Variants in GSK3B observed in about 807,000 individuals in gnomAD.
The protein encoded by GSK3B is glycogen synthase kinase 3 beta.
GSK3B carries 15 observed loss-of-function variants against 56.4 expected under a neutral mutation model. That is an observed-to-expected ratio of 0.27 (90% CI 0.18 to 0.41). The LOEUF is 0.41. GSK3B is among the 10% of genes least tolerant of loss of function. The pLI is 1.00. For synonymous variants in GSK3B, 181 were observed against 188.9 expected, an observed-to-expected ratio of 0.96 and a Z score of 0.34; for missense variants, 300 against 513.4, an observed-to-expected ratio of 0.58 and a Z score of 4.02.
chr3:120,075,697 T>A (rs924104037), intron 1 of GSK3B, among the ~76,000 whole-genome samples: 1 of 151,986 alleles, frequency 6.6e-6, no homozygotes, highest in African/African-American at 2.4e-5. Flanking sequence ...ACCTGTACAC[T>A]GAAAACTAAA....
At chr3:119,890,638 G>A (rs2056490962) in intron 7 of GSK3B, among the ~76,000 whole-genome samples, 1 of 151,664 alleles carries the variant, frequency 6.6e-6, no homozygotes, top group African/African-American at 2.4e-5. Flanking sequence ...TCTTGACCAG[G>A]GTAGTGGTTA....
intron 3 of GSK3B, among the ~76,000 whole-genome samples, chr3:119,946,876 C>T (rs1399698130): frequency 6.6e-6 from 1 of 152,122 alleles, no homozygotes; most frequent in Non-Finnish European, 1.5e-5. Context: ...AGTCCTCTTG[C>T]TACCTCTTTA....
At chr3:120,091,361 T>C (rs1167066648) in intron 1 of GSK3B, among the ~76,000 whole-genome samples, 2 of 152,184 alleles carry the variant, frequency 1.3e-5, no homozygotes, top group African/African-American at 2.4e-5. Flanking sequence ...ACTCCAACTT[T>C]TAAAATTCTA....
chr3:119,873,255 T>A (rs1336855358), intron 8 of GSK3B, among the ~76,000 whole-genome samples: 10 of 152,150 alleles, frequency 6.6e-5, no homozygotes, highest in Admixed American at 3.3e-4. Flanking sequence ...TTCTGCTATT[T>A]CTTTTACACA....
chr3:120,037,317 A>G (rs530650717), intron 1 of GSK3B, among the ~76,000 whole-genome samples: 1 of 152,370 alleles, frequency 6.6e-6, no homozygotes, highest in African/African-American at 2.4e-5. Context: ...AAGATAAAAT[A>G]AAGCAATAAT....
chr3:120,060,995 C>T (rs1188159513), intron 1 of GSK3B, among the ~76,000 whole-genome samples: 2 of 152,172 alleles, frequency 1.3e-5, no homozygotes, highest in East Asian at 1.9e-4. Flanking sequence ...TGTCAGGCTT[C>T]AAACTTTAGA....
At position 119,874,533 on chromosome 3, in the gene GSK3B, T is replaced by TA. The variant is rs2056286924; in HGVS notation, c.909+1879dup. On this transcript the variant is annotated intron_variant, in intron 8 of 10. Coordinates refer to ENST00000264235, the MANE Select transcript of GSK3B (RefSeq NM_001146156.2). ...AAAGGAGGACTAGTGGCAGTCTTGATAAAATAATAATAATAATAATGGAGG... is the reference window on the plus strand; with the variant it reads ...AAAGGAGGACTAGTGGCAGTCTTGATAAAAATAATAATAATAATAATGGAGG... Among the ~76,000 whole-genome samples the TA allele has an allele frequency of 2.6e-5, 4 of 151,906 alleles. No individual in the cohort carries two copies. The South Asian group carries it at 8.3e-4, about 32-fold the overall frequency.
At chr3:119,993,364 G>A (rs1228594108) in intron 2 of GSK3B, among the ~76,000 whole-genome samples, 1 of 151,870 alleles carries the variant, frequency 6.6e-6, no homozygotes, top group Non-Finnish European at 1.5e-5. Flanking sequence ...AAAAGAAAGG[G>A]GGTGAAGTTC....
intron 3 of GSK3B, among the ~76,000 whole-genome samples, chr3:119,927,251 A>T (rs1305529348): frequency 1.3e-5 from 2 of 152,214 alleles, no homozygotes; most frequent in Non-Finnish European, 2.9e-5. Flanking sequence ...AAGCTTGAAG[A>T]AAAAAATTAG....
At chr3:119,832,039 T>G (rs1424508435) in intron 10 of GSK3B, among the ~76,000 whole-genome samples, 1 of 152,228 alleles carries the variant, frequency 6.6e-6, no homozygotes, top group East Asian at 1.9e-4. Context: ...ATTCCCACAC[T>G]GAATAGGACT....
Position 120,094,425 on chromosome 3 carries a change from C to T in GSK3B, c.-991G>A, listed in dbSNP as rs2058547186. 1 of 315,486 alleles carries T rather than the reference C, an allele frequency of 3.2e-6. No homozygotes were observed. The highest frequency in any genetic ancestry group is 5.9e-6 in the Non-Finnish European group (1 of 170,330). The allele number at this position is 315,486 out of a possible 1,614,324, so 19.5% of individuals were successfully genotyped here. A position where few individuals can be genotyped will look rare whatever the true frequency, so the allele number is the denominator to read the frequency against. Reference sequence around the variant, plus strand: ...GGCGGCGGCACAAGCCCGCATTCGCCCGGGTCAGGAGCTGCTCTGTGTGAG... The same window carrying T: ...GGCGGCGGCACAAGCCCGCATTCGCTCGGGTCAGGAGCTGCTCTGTGTGAG... On this transcript the variant is annotated 5_prime_UTR_variant, in exon 1 of 11. Coordinates refer to ENST00000264235, the MANE Select transcript of GSK3B (RefSeq NM_001146156.2).
chr3:120,057,537 T>A (rs1240332947), intron 1 of GSK3B, among the ~76,000 whole-genome samples: 1 of 152,218 alleles, frequency 6.6e-6, no homozygotes, highest in African/African-American at 2.4e-5. Flanking sequence ...TATTACAGCA[T>A]TCCATTGTAT....
intron 7 of GSK3B, among the ~76,000 whole-genome samples, chr3:119,876,938 C>G (rs1461543407): frequency 1.1e-4 from 16 of 152,148 alleles, no homozygotes; most frequent in Admixed American, 3.3e-4. Context: ...ACTTTCCAGT[C>G]TCTAGAACAG....
At chr3:119,843,669 T>C (rs942335114) in intron 9 of GSK3B, 1 of 164,612 alleles carries the variant, frequency 6.1e-6, no homozygotes, top group African/African-American at 2.4e-5. Context: ...TCCGGATTCA[T>C]AAAGGAAGTT....
chr3:120,002,326 T>C (rs911818564), intron 1 of GSK3B, 87 bp from the exon 2 acceptor site: 1 of 603,362 alleles, frequency 1.7e-6, no homozygotes, highest in Non-Finnish European at 2.6e-6. Context: ...GTAAACTATA[T>C]TCTTTATTTT....
intron 1 of GSK3B, among the ~76,000 whole-genome samples, chr3:120,079,308 AC>A: frequency 2.8e-4 from 1 of 3,520 alleles, no homozygotes; most frequent in African/African-American, 7.7e-4. Flanking sequence ...AGGAAATTAC[AC>A]ACACACACAC....
intron 8 of GSK3B, 66 bp downstream of exon 8, chr3:119,876,347 A>T: frequency 2.4e-6 from 2 of 849,138 alleles, no homozygotes; most frequent in Middle Eastern, 2.2e-4. Flanking sequence ...AAAATAGTTT[A>T]AGAACAATGA....
chr3:119,929,311 G>A (rs758412781), intron 3 of GSK3B, among the ~76,000 whole-genome samples: 1 of 152,128 alleles, frequency 6.6e-6, no homozygotes, highest in Non-Finnish European at 1.5e-5. Context: ...TAACACAGAT[G>A]TCAAAACCAT....
intron 9 of GSK3B, among the ~76,000 whole-genome samples, chr3:119,857,467 C>T (rs2056038359): frequency 6.6e-6 from 1 of 152,118 alleles, no homozygotes; most frequent in Non-Finnish European, 1.5e-5. Flanking sequence ...ACTTTTTTTG[C>T]TCATCCATAA....
Sources: gnomAD v4.1 joint callset for allele counts (sites outside exome capture counted in the v4.1 genomes callset) on GRCh38, gnomAD v4.1.1 for gene constraint, MANE v1.5 for transcripts, NCBI Gene and HGNC (gene_info 2026-07-23, HGNC 2026-07-21) for gene names.